Variants in CDH13 observed in about 807,000 individuals in gnomAD.
CDH13 encodes the protein cadherin-13.
In CDH13, 24 loss-of-function variants were observed where a neutral mutation model predicts 63.8. The observed-to-expected ratio is 0.38, with a 90% CI of 0.27 to 0.53. CDH13 has a LOEUF of 0.53. Among genes scored for constraint, CDH13 ranks in the 20% least tolerant of loss-of-function variants. CDH13 has a pLI of 0.85. For synonymous variants in CDH13, 503 were observed against 355.3 expected, an observed-to-expected ratio of 1.42 and a Z score of -4.67; for missense variants, 1,049 against 903.1, an observed-to-expected ratio of 1.16 and a Z score of -2.07.
intron 2 of CDH13, among the ~76,000 whole-genome samples, chr16:82,913,781 T>C (rs753491091): frequency 6.7e-6 from 1 of 150,360 alleles, no homozygotes; most frequent in South Asian, 2.1e-4. Flanking sequence ...ATGAAGGGGG[T>C]GCAGGTAGAG....
At chr16:83,630,082 C>G (rs1910644221) in intron 8 of CDH13, among the ~76,000 whole-genome samples, 6 of 152,216 alleles carry the variant, frequency 3.9e-5, no homozygotes, top group South Asian at 4.1e-4. Context: ...TGGCAAACAT[C>G]TAGCCTAGCT....
At chr16:83,422,816 C>A (rs1172161427) in intron 6 of CDH13, among the ~76,000 whole-genome samples, 2 of 152,090 alleles carry the variant, frequency 1.3e-5, no homozygotes, top group Non-Finnish European at 2.9e-5. Flanking sequence ...TTGATAATTA[C>A]ATAAGATGCT....
At chr16:83,349,329 T>C (rs1166485192) in intron 6 of CDH13, among the ~76,000 whole-genome samples, 1 of 152,180 alleles carries the variant, frequency 6.6e-6, no homozygotes, top group Non-Finnish European at 1.5e-5. Context: ...GTGAGAACTC[T>C]TGAAATTCCT....
intron 6 of CDH13, among the ~76,000 whole-genome samples, chr16:83,354,623 G>A (rs1275504823): frequency 6.6e-6 from 1 of 152,176 alleles, no homozygotes; most frequent in Non-Finnish European, 1.5e-5. Context: ...AGGTGATGTT[G>A]AAGCTGAGCC....
chr16:82,630,149 T>G (rs1017139594), intron 1 of CDH13, among the ~76,000 whole-genome samples: 1 of 152,212 alleles, frequency 6.6e-6, no homozygotes, highest in African/African-American at 2.4e-5. Flanking sequence ...ATTTGTGTGT[T>G]ATGTTTTAAG....
chr16:83,284,603 G>A (rs1402210432), intron 5 of CDH13, among the ~76,000 whole-genome samples: 1 of 152,110 alleles, frequency 6.6e-6, no homozygotes. Context: ...GTCTGAGGCT[G>A]AGAACTTCTC....
intron 3 of CDH13, among the ~76,000 whole-genome samples, chr16:83,082,098 C>A (rs573146637): frequency 6.6e-6 from 1 of 152,308 alleles, no homozygotes; most frequent in South Asian, 2.1e-4. Context: ...CTGTGCCCGG[C>A]CACCTAATTA....
intron 3 of CDH13, among the ~76,000 whole-genome samples, chr16:83,045,682 G>GA (rs922278241): frequency 6.9e-6 from 1 of 144,620 alleles, no homozygotes; most frequent in Non-Finnish European, 1.5e-5. Flanking sequence ...TTTCTCAAGG[G>GA]AAAAAAACAT....
intron 2 of CDH13, among the ~76,000 whole-genome samples, chr16:82,888,636 C>A (rs953765450): frequency 6.6e-6 from 1 of 152,214 alleles, no homozygotes; most frequent in Non-Finnish European, 1.5e-5. Context: ...TAGACCTCCC[C>A]TAGCACTGAA....
chr16:83,145,627 T>C (rs6565135), intron 4 of CDH13, among the ~76,000 whole-genome samples: 43,515 of 152,170 alleles, frequency 0.29, 7,019 homozygotes, highest in African/African-American at 0.44. Context: ...TCATTTTTTC[T>C]TTGAAGAACA....
intron 7 of CDH13, among the ~76,000 whole-genome samples, chr16:83,568,399 A>T (rs151055329): frequency 6.6e-6 from 1 of 152,142 alleles, no homozygotes; most frequent in Non-Finnish European, 1.5e-5. Context: ...GTCATTTCCA[A>T]ATTCAACGAT....
intron 5 of CDH13, among the ~76,000 whole-genome samples, chr16:83,306,375 G>C (rs998594404): frequency 6.6e-6 from 1 of 152,134 alleles, no homozygotes; most frequent in African/African-American, 2.4e-5. Context: ...CACAAATGCT[G>C]TTCTGGAGTT....
chr16:83,291,218 A>G (rs756767082), intron 5 of CDH13, among the ~76,000 whole-genome samples: 2 of 152,220 alleles, frequency 1.3e-5, no homozygotes, highest in African/African-American at 2.4e-5. Context: ...ATCACTTAAT[A>G]AATCAGAAAT....
At chr16:83,101,259 A>C (rs1192408434) in intron 3 of CDH13, among the ~76,000 whole-genome samples, 1 of 150,596 alleles carries the variant, frequency 6.6e-6, no homozygotes, top group Non-Finnish European at 1.5e-5. Flanking sequence ...ATATATACTT[A>C]TGTATACATA....
Position 83,295,036 on chromosome 16 carries a change from T to C in CDH13, c.637-49826T>C, listed in dbSNP as rs569857830. 2.0e-5 allele frequency among the ~76,000 whole-genome samples: 3 copies of C among 152,202 alleles called. No homozygotes were observed. In the South Asian group the frequency reaches 6.2e-4, roughly 32 times the overall value. On this transcript the variant is annotated intron_variant, in intron 5 of 13. Transcript: ENST00000567109. ...TGGTACTGTTATAACAACAGACACA[T>C]AGACCAATTGAACAGAATAGAAAAC...
At chr16:82,701,476 A>T (rs2031016208) in intron 1 of CDH13, among the ~76,000 whole-genome samples, 1 of 152,202 alleles carries the variant, frequency 6.6e-6, no homozygotes, top group South Asian at 2.1e-4. Context: ...ACTAGCTTTC[A>T]GGGAAAAGAA....
At chr16:83,752,713 A>G (rs1659030402) in intron 11 of CDH13, among the ~76,000 whole-genome samples, 1 of 152,212 alleles carries the variant, frequency 6.6e-6, no homozygotes, top group Non-Finnish European at 1.5e-5. Context: ...AAAGCTTCTC[A>G]CAGACTGTGA....
At chr16:83,572,175 G>GGTGTGTGTGTGT (rs71148844) in intron 7 of CDH13, among the ~76,000 whole-genome samples, 11,781 of 145,496 alleles carry the variant, frequency 0.081, 597 homozygotes, top group East Asian at 0.19. Flanking sequence ...ACTTTCCTGT[G>GGTGTGTGTGTGT]GTGTGTGTGT....
At chr16:82,983,829 C>G (rs1293086012) in intron 2 of CDH13, among the ~76,000 whole-genome samples, 2 of 152,126 alleles carry the variant, frequency 1.3e-5, no homozygotes, top group African/African-American at 4.8e-5. Context: ...CTGGGACTGA[C>G]TGTAAGGGGG....
Sources: gnomAD v4.1 joint callset for allele counts (sites outside exome capture counted in the v4.1 genomes callset) on GRCh38, gnomAD v4.1.1 for gene constraint, MANE v1.5 for transcripts, NCBI Gene and HGNC (gene_info 2026-07-23, HGNC 2026-07-21) for gene names.